MYRFL: variants seen among roughly 807,000 people sequenced by gnomAD.
MYRFL encodes the protein myelin regulatory factor like.
MYRFL carries 88 observed loss-of-function variants against 109.4 expected under a neutral mutation model. That is an observed-to-expected ratio of 0.80 (90% CI 0.68 to 0.96). The LOEUF is 0.96. Ranked by LOEUF, MYRFL falls within the 40% of genes least tolerant of loss-of-function variation. The probability of loss-of-function intolerance (pLI) is 0.00; values close to 1 mark genes in which losing one functional copy is unlikely to be tolerated. For synonymous variants in MYRFL, 324 were observed against 320.9 expected (o/e 1.01, Z -0.10); for missense variants, 957 against 954.9 (o/e 1.00, Z -0.03).
chr12:69,842,728 T>G (rs1883317445), intron 1 of MYRFL, among the ~76,000 whole-genome samples: 1 of 152,188 alleles, frequency 6.6e-6, no homozygotes, highest in South Asian at 2.1e-4. Context: ...GTTCCTAGGA[T>G]GTTTATCATC....
At chr12:69,836,800 T>C (rs1592680530) in intron 1 of MYRFL, among the ~76,000 whole-genome samples, 1 of 152,198 alleles carries the variant, frequency 6.6e-6, no homozygotes. Context: ...GGTGAGGAGG[T>C]CAGGTCTGTG....
At chr12:69,836,172 G>A (rs1364074458) in intron 1 of MYRFL, among the ~76,000 whole-genome samples, 1 of 152,206 alleles carries the variant, frequency 6.6e-6, no homozygotes, top group African/African-American at 2.4e-5. Flanking sequence ...GCTTCTGCCG[G>A]TCAGGGGCTA....
intron 1 of MYRFL, among the ~76,000 whole-genome samples, chr12:69,831,380 A>G (rs547529808): frequency 1.3e-5 from 2 of 152,300 alleles, no homozygotes; most frequent in South Asian, 4.1e-4. Flanking sequence ...CTTTACAAAA[A>G]AAGTTTACCA....
intron 1 of MYRFL, among the ~76,000 whole-genome samples, chr12:69,850,035 G>A (rs1158826539): frequency 6.6e-6 from 1 of 152,118 alleles, no homozygotes; most frequent in Non-Finnish European, 1.5e-5. Flanking sequence ...AATCATAGGG[G>A]GAGGTCTTTC....
intron 15 of MYRFL, among the ~76,000 whole-genome samples, chr12:69,928,398 C>T (rs1449569563): frequency 3.9e-5 from 6 of 152,220 alleles, no homozygotes; most frequent in African/African-American, 1.4e-4. Flanking sequence ...TCAGCTTGCT[C>T]CCTCTGATCC....
intron 15 of MYRFL, among the ~76,000 whole-genome samples, 198 bp from the exon 16 acceptor site, chr12:69,932,315 A>G (rs1433473019): frequency 6.6e-6 from 1 of 152,174 alleles, no homozygotes; most frequent in African/African-American, 2.4e-5. Flanking sequence ...TTTCAAGGAA[A>G]GGGAGGTACT....
At chr12:69,874,204 C>G (rs11838043) in intron 2 of MYRFL, among the ~76,000 whole-genome samples, 9,402 of 152,094 alleles carry the variant, frequency 0.062, 727 homozygotes, top group African/African-American at 0.18. Flanking sequence ...TTTGAAATAA[C>G]TTCTCAGCCT....
chr12:69,953,491 C>T (rs769728726), intron 21 of MYRFL, among the ~76,000 whole-genome samples: 3 of 151,976 alleles, frequency 2.0e-5, no homozygotes, highest in African/African-American at 7.3e-5. Flanking sequence ...GAGGGCTGGG[C>T]GTGGTGGCTC....
In MYRFL at chr12:69,876,316, A is replaced by G. The variant is rs529416358; in HGVS notation, c.138-2712A>G. On this transcript the variant is annotated intron_variant, in intron 2 of 24. Coordinates refer to ENST00000552032, the MANE Select transcript of MYRFL (RefSeq NM_182530.3). ...GTACCTTCTCCAAGTTTCAGTGCCC[A>G]CCACAATCTCCTTGCTTTTGTCTAG... Among the ~76,000 whole-genome samples the G allele has an allele frequency of 3.9e-5, 6 of 152,214 alleles. No homozygotes were observed. In the East Asian group the frequency reaches 1.2e-3, roughly 29 times the overall value.
At chr12:69,956,745 C>T (rs1012837608) in intron 22 of MYRFL, among the ~76,000 whole-genome samples, 1 of 152,130 alleles carries the variant, frequency 6.6e-6, no homozygotes, top group Non-Finnish European at 1.5e-5. Context: ...TGTCACTCAA[C>T]CCAACTGCTT....
intron 1 of MYRFL, among the ~76,000 whole-genome samples, chr12:69,828,345 G>A (rs1286095786): frequency 1.3e-5 from 2 of 151,900 alleles, no homozygotes; most frequent in South Asian, 2.1e-4. Flanking sequence ...AGCCATTTTT[G>A]CATTTATTTA....
intron 7 of MYRFL, among the ~76,000 whole-genome samples, chr12:69,891,378 GA>G (rs1173125527): frequency 6.6e-6 from 1 of 152,214 alleles, no homozygotes; most frequent in African/African-American, 2.4e-5. Context: ...CCATTTTCAA[GA>G]AGCACTCAGA....
intron 2 of MYRFL, among the ~76,000 whole-genome samples, chr12:69,872,879 G>A (rs1885435726): frequency 6.6e-6 from 1 of 152,182 alleles, no homozygotes; most frequent in Admixed American, 6.5e-5. Flanking sequence ...CAATCCTCCT[G>A]CCTCAGCGTC....
intron 19 of MYRFL, among the ~76,000 whole-genome samples, chr12:69,939,207 G>A (rs908606576): frequency 1.3e-5 from 2 of 152,232 alleles, no homozygotes; most frequent in Non-Finnish European, 2.9e-5. Flanking sequence ...AAGGAGGCCT[G>A]CCTGCCTGTG....
intron 2 of MYRFL, among the ~76,000 whole-genome samples, chr12:69,877,421 G>T (rs1409411012): frequency 6.6e-6 from 1 of 152,042 alleles, no homozygotes; most frequent in Non-Finnish European, 1.5e-5. Flanking sequence ...TGCGTCCTGG[G>T]CTTTTTGAGT....
At chr12:69,855,950 T>C (rs1048179597) in intron 2 of MYRFL, among the ~76,000 whole-genome samples, 11 of 152,210 alleles carry the variant, frequency 7.2e-5, no homozygotes, top group African/African-American at 2.7e-4. Flanking sequence ...TTTTTATTTT[T>C]AATTTACATC....
At chr12:69,926,971 T>C (rs1955115077) in intron 14 of MYRFL, among the ~76,000 whole-genome samples, 1 of 135,228 alleles carries the variant, frequency 7.4e-6, no homozygotes, top group African/African-American at 2.7e-5. Context: ...TGAGCCTGAG[T>C]TTTGCTGTTG....
chr12:69,852,893 C>T lies in MYRFL; in HGVS notation c.47-2387C>T, dbSNP rs992423255. The stretch of plus-strand genomic sequence containing the variant: ...GACACAGCACATGTTTCAGAGAGCA[C>T]GGGGTTGGGGGTAAGGTTATAGATT... On this transcript the variant is annotated intron_variant, in intron 1 of 24. Coordinates refer to ENST00000552032, the MANE Select transcript of MYRFL (RefSeq NM_182530.3). Among the ~76,000 whole-genome samples the T allele has an allele frequency of 4.6e-5, 7 of 152,014 alleles. No individual in the cohort carries two copies. The East Asian group carries it at 5.8e-4, about 13-fold the overall frequency.
At chr12:69,891,603 TTC>T (rs58196700) in intron 7 of MYRFL, among the ~76,000 whole-genome samples, 6,482 of 52,490 alleles carry the variant, frequency 0.12, 286 homozygotes, top group African/African-American at 0.19. Flanking sequence ...CTTTCTTTCT[TTC>T]TCTTTCTTTC....
Sources: allele counts gnomAD v4.1 joint callset (sites outside exome capture counted in the v4.1 genomes callset), GRCh38; gene constraint gnomAD v4.1.1; transcripts MANE v1.5; gene names NCBI Gene and HGNC (gene_info 2026-07-23, HGNC 2026-07-21).